The following BBS4 variants were observed in gnomAD, a reference collection of about 807,000 sequenced individuals.
BBS4 encodes the protein BBSome complex member BBS4.
Under a neutral mutation model 71.4 loss-of-function variants are expected in BBS4, and 58 were observed. That is an observed-to-expected ratio of 0.81 (90% confidence interval 0.66 to 1.01). The LOEUF is 1.01. Ranked by LOEUF, BBS4 falls within the 50% of genes least tolerant of loss-of-function variation. The pLI is 0.00. For synonymous variants in BBS4, 228 were observed against 216.8 expected (o/e 1.05, Z -0.46); for missense variants, 660 against 607.9 (o/e 1.09, Z -0.90).
intron 5 of BBS4, among the ~76,000 whole-genome samples, chr15:72,715,761 A>G (rs2065457570): frequency 6.6e-6 from 1 of 152,192 alleles, no homozygotes; most frequent in African/African-American, 2.4e-5. Flanking sequence ...GTCACACAGT[A>G]AGTTTTTAGT....
At chr15:72,691,558 C>T (rs966889035) in intron 1 of BBS4, among the ~76,000 whole-genome samples, 2 of 152,076 alleles carry the variant, frequency 1.3e-5, no homozygotes, top group East Asian at 3.9e-4. Context: ...TATTAACCTT[C>T]AGTTTATTCA....
chr15:72,697,335 A>G, intron 2 of BBS4, among the ~76,000 whole-genome samples: 1 of 152,228 alleles, frequency 6.6e-6, no homozygotes, highest in East Asian at 1.9e-4. Flanking sequence ...AAGCTGTCAC[A>G]TTTTACTGTG....
At chr15:72,715,474 C>CA in intron 5 of BBS4, 72 bp downstream of exon 5, 1 of 1,046,042 alleles carries the variant, frequency 9.6e-7, no homozygotes. Flanking sequence ...TAGGTCCAGC[C>CA]TGCTGCTGGC....
At chr15:72,709,901 C>T in intron 3 of BBS4, 122 bp downstream of exon 3, 1 of 803,052 alleles carries the variant, frequency 1.2e-6, no homozygotes, top group South Asian at 1.4e-5. Context: ...CCTTCTTCCC[C>T]ATACTTCATA....
chr15:72,712,949 A>G (rs2065401813), intron 4 of BBS4, among the ~76,000 whole-genome samples: 1 of 151,976 alleles, frequency 6.6e-6, no homozygotes. Flanking sequence ...TAAAACACAC[A>G]ACAACATTGT....
At chr15:72,699,767 T>A (rs967558081) in intron 2 of BBS4, among the ~76,000 whole-genome samples, 6 of 152,232 alleles carry the variant, frequency 3.9e-5, no homozygotes, top group African/African-American at 1.4e-4. Flanking sequence ...TTGGCAGCTT[T>A]CATACAACAT....
intron 1 of BBS4, among the ~76,000 whole-genome samples, chr15:72,692,304 A>ATTTT (rs398027909): frequency 5.1e-5 from 3 of 59,268 alleles, no homozygotes; most frequent in Admixed American, 3.2e-4. Flanking sequence ...TTACATTGCA[A>ATTTT]TTTTTTTTTT....
At position 72,731,467 on chromosome 15, in the gene BBS4, C is replaced by T. The variant is rs201979024; in HGVS notation, c.864+10C>T. On this transcript the variant is annotated intron_variant, in intron 11 of 15. Coordinates refer to ENST00000268057, the MANE Select transcript of BBS4 (RefSeq NM_033028.5). ...GAAGAAATATGTGGCGGTGAGTGTC[C>T]CCTCATGTTCTTTGTTTGTATTTCT... The T allele has an allele frequency of 3.8e-5, 62 of 1,614,054 alleles. No homozygotes were observed. The Admixed American group carries it at 1.0e-3, about 26-fold the overall frequency.
chr15:72,718,239 T>C (rs1677661107), intron 6 of BBS4, among the ~76,000 whole-genome samples: 1 of 152,226 alleles, frequency 6.6e-6, no homozygotes, highest in South Asian at 2.1e-4. Flanking sequence ...TATTCTGTTA[T>C]ATACCCTATC....
At chr15:72,693,205 A>G (rs1324598674) in intron 1 of BBS4, among the ~76,000 whole-genome samples, 2 of 152,122 alleles carry the variant, frequency 1.3e-5, no homozygotes, top group African/African-American at 2.4e-5. Flanking sequence ...AAACACCACA[A>G]ATTATGCTTT....
intron 9 of BBS4, among the ~76,000 whole-genome samples, chr15:72,729,212 A>G (rs564247215): frequency 9.0e-5 from 12 of 132,682 alleles, no homozygotes; most frequent in African/African-American, 3.5e-4. Flanking sequence ...CAAAAAAGCC[A>G]GAGCATTTCT....
At chr15:72,689,874 G>C (rs1379793638) in intron 1 of BBS4, among the ~76,000 whole-genome samples, 1 of 151,842 alleles carries the variant, frequency 6.6e-6, no homozygotes, top group Non-Finnish European at 1.5e-5. Flanking sequence ...GCAGTGGCGC[G>C]ATCTCGGCTC....
At chr15:72,729,761 C>A in intron 10 of BBS4, 77 bp downstream of exon 10, 1 of 1,238,802 alleles carries the variant, frequency 8.1e-7, no homozygotes, top group Non-Finnish European at 1.2e-6. Context: ...CCCTGGAAAG[C>A]AAAGGAATAG....
intron 8 of BBS4, among the ~76,000 whole-genome samples, chr15:72,726,068 ATCTT>A (rs1477095723): frequency 1.0e-4 from 10 of 99,668 alleles, no homozygotes; most frequent in East Asian, 5.5e-4. Flanking sequence ...TCCCATTCCC[ATCTT>A]TCTTTGTTTC....
At chr15:72,733,739 T>G (rs1364166620) in intron 12 of BBS4, among the ~76,000 whole-genome samples, 1 of 152,222 alleles carries the variant, frequency 6.6e-6, no homozygotes, top group African/African-American at 2.4e-5. Flanking sequence ...AACACACACA[T>G]GCATGTGTCT....
At chr15:72,691,681 T>C (rs2064986034) in intron 1 of BBS4, among the ~76,000 whole-genome samples, 1 of 152,180 alleles carries the variant, frequency 6.6e-6, no homozygotes, top group African/African-American at 2.4e-5. Context: ...AAAACAATGC[T>C]GCTGCTGGGT....
rs1013546370 is a variant in BBS4, at chr15:72,704,564, G to A, written c.77-5136G>A. The A allele has an allele frequency of 9.2e-5, 67 of 727,048 alleles. 1 individual carries two copies. In the Middle Eastern group the frequency reaches 3.1e-3, roughly 33 times the overall value. 45.0% of individuals were successfully genotyped at this position (727,048 alleles called of 1,614,324 possible). On this transcript the variant is annotated intron_variant, in intron 2 of 15. Transcript: ENST00000268057. ...AGAATTCCTTCATCTTTGATGATAA[G>A]TAGATAATAATGGTAATAAAAATAA...
intron 12 of BBS4, 88 bp downstream of exon 12, chr15:72,731,814 A>C: frequency 3.8e-5 from 56 of 1,486,704 alleles, no homozygotes; most frequent in Non-Finnish European, 4.8e-5. Flanking sequence ...TGGCTGTCTC[A>C]TAGGAGCCAT....
chr15:72,719,749 C>CT lies in BBS4; in HGVS notation c.405+2914dup, dbSNP rs200252138. On this transcript the variant is annotated intron_variant, in intron 6 of 15. Coordinates refer to ENST00000268057, the MANE Select transcript of BBS4 (RefSeq NM_033028.5). ...TGTGATCATTCACAAAACAGCCATT[C>CT]TTTTTTTTTTTTTTTGTTGAGACAG... Among the ~76,000 whole-genome samples the CT allele has an allele frequency of 4.7e-3, 202 of 43,260 alleles. 3 individuals are homozygous for CT. Among genetic ancestry groups the CT allele is most frequent in the African/African-American group, 9.3e-3 (122 of 13,134 alleles). The allele number at this position is 43,260 out of a possible 152,430, so 28.4% of individuals were successfully genotyped here.
Sources: gnomAD v4.1 joint callset for allele counts (sites outside exome capture counted in the v4.1 genomes callset) on GRCh38, gnomAD v4.1.1 for gene constraint, MANE v1.5 for transcripts, NCBI Gene and HGNC (gene_info 2026-07-23, HGNC 2026-07-21) for gene names.